Variants in GRHL3 observed in about 807,000 individuals in gnomAD.
The protein encoded by GRHL3 is grainyhead-like protein 3 homolog.
A neutral mutation model predicts 70.3 loss-of-function variants in GRHL3; 20 were observed. The ratio of observed to expected loss-of-function variants is 0.28; its 90% confidence interval spans 0.20 to 0.41. GRHL3 has a LOEUF of 0.41. Ranked by LOEUF, GRHL3 falls within the 10% of genes least tolerant of loss-of-function variation. GRHL3 has a pLI of 1.00. For synonymous variants in GRHL3, 299 were observed against 299.9 expected (o/e 1.00, Z 0.03); for missense variants, 637 against 762.3 (o/e 0.84, Z 1.94).
rs1033222061 is a variant in GRHL3, at chr1:24,342,076, T to C, written c.1048-39T>C. Reference sequence around the variant, plus strand: ...CTGTGGGACGGTGGGGCTGGCCACCTGGGCAGGCCACTTACCCAGCGGCCC... The same window carrying C: ...CTGTGGGACGGTGGGGCTGGCCACCCGGGCAGGCCACTTACCCAGCGGCCC... On this transcript the variant is annotated intron_variant, in intron 8 of 15. Transcript: ENST00000361548. The surrounding 1 kb of genome is among the most constrained non-coding windows in gnomAD (Gnocchi z 4.8). The C allele has an allele frequency of 1.1e-5, 17 of 1,515,938 alleles. No individual in the cohort carries two copies. Among genetic ancestry groups the C allele is most frequent in the African/African-American group, 2.8e-5 (2 of 72,362 alleles). 93.9% of individuals were successfully genotyped at this position (1,515,938 alleles called of 1,614,324 possible). A position where few individuals can be genotyped will look rare whatever the true frequency, so the allele number is the denominator to read the frequency against.
intron 1 of GRHL3, among the ~76,000 whole-genome samples, chr1:24,331,000 A>G (rs1311635613): frequency 6.6e-6 from 1 of 152,236 alleles, no homozygotes; most frequent in Non-Finnish European, 1.5e-5. Context: ...TGCCTTTCAC[A>G]GTCTTGAGGA....
Position 24,342,845 on chromosome 1 carries a change from C to T in GRHL3, c.1286-47C>T, listed in dbSNP as rs751727238. The T allele has an allele frequency of 1.2e-6, 2 of 1,614,100 alleles. No individual in the cohort carries two copies. The highest frequency in any genetic ancestry group is 1.7e-6 in the Non-Finnish European group (2 of 1,179,978). ...AGAAGGAGACCAGAGGTGGGAGGGA[C>T]TTGAGTGGAGGGACCTCGGGGCACA... On this transcript the variant is annotated intron_variant, in intron 10 of 15. Transcript: ENST00000361548. This position sits in a 1 kb window ranked among gnomAD's most constrained non-coding sequence, Gnocchi z 4.8.
At position 24,336,479 on chromosome 1, in the gene GRHL3, C is replaced by A. The variant is rs948496465; in HGVS notation, c.267-3C>A. 4 of 1,557,058 alleles carry A rather than the reference C, an allele frequency of 2.6e-6. No individual in the cohort carries two copies. Among genetic ancestry groups the A allele is most frequent in the Non-Finnish European group, 3.5e-6 (4 of 1,147,368 alleles). ...ACACTCAGCCCCTTTTCTTTCTCCC[C>A]AGGTACTACCATGGCATGGAATATG... is the stretch of plus-strand genomic sequence containing the variant. On this transcript the variant is annotated splice_polypyrimidine_tract_variant and splice_region_variant and intron_variant, in intron 3 of 15. Coordinates refer to ENST00000361548, the MANE Select transcript of GRHL3 (RefSeq NM_198173.3).
At chr1:24,335,810 C>T (rs183680172) in intron 3 of GRHL3, among the ~76,000 whole-genome samples, 255 of 152,212 alleles carry the variant, frequency 1.7e-3, no homozygotes, top group African/African-American at 5.7e-3. Flanking sequence ...TCTCGATCTC[C>T]TGACCTCGTG....
chr1:24,330,269 G>T (rs1220616361), intron 1 of GRHL3, among the ~76,000 whole-genome samples: 2 of 152,076 alleles, frequency 1.3e-5, no homozygotes, highest in African/African-American at 2.4e-5. Context: ...ACACTACATT[G>T]TTCTTTGCTG....
chr1:24,331,560 A>G lies in GRHL3; in HGVS notation c.152A>G (p.Asn51Ser), dbSNP rs369794868. The G allele has an allele frequency of 2.4e-5, 39 of 1,614,030 alleles. No individual in the cohort carries two copies. Among genetic ancestry groups the G allele is most frequent in the African/African-American group, 1.1e-4 (8 of 74,912 alleles). The change falls in exon 2 of 16, where the codon AAT becomes AGT. Residue 51 changes from asparagine (N) to serine (S), a missense_variant. Physicochemically the swap from Asn to Ser is conservative, Grantham distance 46. Around this residue, in one of 2 missense-constraint regions of GRHL3, gnomAD observed 250 missense variants for 248.6 expected, o/e 1.01. Transcript: ENST00000361548. ...GCCACAAAGGCCATGATGAGAGTCA[A>G]TGGAGATGATGACAGTGTTGCGGCC... ...TAATKAMMRVNGDDDSVAALS... is the reference protein window; with the variant it reads ...TAATKAMMRVSGDDDSVAALS...
chr1:24,345,746 C>T (rs543924082), intron 12 of GRHL3, among the ~76,000 whole-genome samples: 1 of 152,338 alleles, frequency 6.6e-6, no homozygotes, highest in Admixed American at 6.5e-5. Flanking sequence ...AGCCTTAGTG[C>T]CCTGAGCAGT....
At position 24,332,210 on chromosome 1, in the gene GRHL3, C is replaced by T. The variant is rs184621055; in HGVS notation, c.204+598C>T. Among the ~76,000 whole-genome samples the T allele has an allele frequency of 2.9e-3, 448 of 152,318 alleles. 3 individuals carry two copies. Among genetic ancestry groups the T allele is most frequent in the African/African-American group, 0.01 (432 of 41,578 alleles). On this transcript the variant is annotated intron_variant, in intron 2 of 15. Coordinates refer to ENST00000361548, the MANE Select transcript of GRHL3 (RefSeq NM_198173.3). ...TACTCTTTAACCCATTCCCTTCCTTCGGGGCCTTCCCAAGGCCCACCTTCT... is the reference window on the plus strand; with the variant it reads ...TACTCTTTAACCCATTCCCTTCCTTTGGGGCCTTCCCAAGGCCCACCTTCT...
At chr1:24,349,365 TCGCCCAA>T (rs1640413677) in intron 14 of GRHL3, among the ~76,000 whole-genome samples, 1 of 152,200 alleles carries the variant, frequency 6.6e-6, no homozygotes. Context: ...CTCCGCATGC[TCGCCCAA>T]CAAATGGGCT....
downstream of GRHL3, among the ~76,000 whole-genome samples, chr1:24,356,469 G>A (rs925582356): frequency 6.6e-6 from 1 of 151,898 alleles, no homozygotes; most frequent in African/African-American, 2.4e-5. Context: ...TCGATCTCCT[G>A]ACATCATGAT....
intron 1 of GRHL3, chr1:24,319,847 C>T: frequency 1.1e-6 from 1 of 904,660 alleles, no homozygotes; most frequent in Non-Finnish European, 1.6e-6. Context: ...AGGTTTCTGG[C>T]ACCACTTTTT....
chr1:24,325,941 C>G (rs1384895428), intron 1 of GRHL3, among the ~76,000 whole-genome samples: 1 of 152,174 alleles, frequency 6.6e-6, no homozygotes, highest in Non-Finnish European at 1.5e-5. Flanking sequence ...AGCCAGAGAC[C>G]TCAGTTCTAG....
rs771735416 is a variant in GRHL3 at position 24,342,960 on chromosome 1, C to T, written c.1354C>T (p.Leu452=). Residue 452 remains leucine (L), a synonymous_variant, in exon 11 of 16, where the codon CTG becomes TTG. Coordinates refer to ENST00000361548, the MANE Select transcript of GRHL3 (RefSeq NM_198173.3). This position sits in a 1 kb window ranked among gnomAD's most constrained non-coding sequence, Gnocchi z 4.8. The stretch of plus-strand genomic sequence containing the variant: ...GACCTACCTTCGGCCAGAGACTGAC[C>T]TGGAGACGCCACCCGTGCTGTTCAT... The part of the protein sequence containing the change: ...ETTYLRPETD[L]ETPPVLFIPN... The T allele has an allele frequency of 4.1e-5, 66 of 1,613,994 alleles. No individual in the cohort carries two copies. The highest frequency in any genetic ancestry group is 5.4e-5 in the Non-Finnish European group (64 of 1,180,024).
At chr1:24,358,019 T>G (rs146820184), downstream of GRHL3, 89 of 356,048 alleles carry the variant, frequency 2.5e-4, no homozygotes, top group East Asian at 6.3e-3. Flanking sequence ...AAGCATCACC[T>G]GCCTGCAGGT....
At chr1:24,350,273 G>A in intron 15 of GRHL3, 151 bp downstream of exon 15, 1 of 601,782 alleles carries the variant, frequency 1.7e-6, no homozygotes, top group Non-Finnish European at 3.0e-6. Flanking sequence ...CATCTGCAGA[G>A]ACCAGACATG....
At chr1:24,362,497 A>G (rs1484414618) in intron 15 of GRHL3, among the ~76,000 whole-genome samples, 1 of 152,238 alleles carries the variant, frequency 6.6e-6, no homozygotes, top group Admixed American at 6.5e-5. Flanking sequence ...CAGTATACAC[A>G]GCATTGCAAG....
intron 13 of GRHL3, 29 bp downstream of exon 13, chr1:24,346,670 C>A: frequency 6.5e-7 from 1 of 1,537,250 alleles, no homozygotes; most frequent in Non-Finnish European, 9.0e-7. Context: ...CATTTACTCA[C>A]CAGGCCCACC....
rs902590859 is a variant in GRHL3 at position 24,334,211 on chromosome 1, A to G, written c.205-434A>G. 3.3e-5 allele frequency among the ~76,000 whole-genome samples: 5 copies of G among 152,164 alleles called. No homozygotes were observed. The highest frequency in any genetic ancestry group is 1.2e-4 in the African/African-American group (5 of 41,438). ...TGTATTAGTCTGTTCTCACGCTGCTAATAAAGACATACCCAGGACTGGGTA... is the reference window on the plus strand; with the variant it reads ...TGTATTAGTCTGTTCTCACGCTGCTGATAAAGACATACCCAGGACTGGGTA... On this transcript the variant is annotated intron_variant, in intron 2 of 15. Coordinates refer to ENST00000361548, the MANE Select transcript of GRHL3 (RefSeq NM_198173.3). The surrounding 1 kb of genome is among the most constrained non-coding windows in gnomAD (Gnocchi z 4.3).
downstream of GRHL3, chr1:24,357,806 G>A (rs184299537): frequency 1.1e-5 from 3 of 268,540 alleles, no homozygotes; most frequent in African/African-American, 6.6e-5. Flanking sequence ...CAGGCCATGT[G>A]GACTCCATGG....
Sources: gnomAD v4.1 joint callset for allele counts (sites outside exome capture counted in the v4.1 genomes callset) on GRCh38, gnomAD v4.1.1 for gene constraint, gnomAD v4.1.1 regional missense constraint, Gnocchi (gnomAD v3.1) non-coding constraint, MANE v1.5 for transcripts, NCBI Gene and HGNC (gene_info 2026-07-23, HGNC 2026-07-21) for gene names.